MEGF11: variants seen among roughly 807,000 people sequenced by gnomAD.
The protein encoded by MEGF11 is multiple epidermal growth factor-like domains protein 11.
MEGF11 carries 126 observed loss-of-function variants against 146.6 expected under a neutral mutation model. The ratio of observed to expected loss-of-function variants is 0.86; its 90% CI spans 0.74 to 1.00. The LOEUF (loss-of-function observed/expected upper bound fraction) is 1.00. Ranked by LOEUF, MEGF11 falls within the 50% of genes least tolerant of loss-of-function variation. The pLI, the probability that MEGF11 is intolerant of heterozygous loss-of-function variation, is 0.00. For synonymous variants in MEGF11, 532 were observed against 583.4 expected (o/e 0.91, Z 1.27); for missense variants, 1,509 against 1,521.2 (o/e 0.99, Z 0.13).
intron 7 of MEGF11, among the ~76,000 whole-genome samples, chr15:65,976,274 C>T (rs1300759818): frequency 6.6e-6 from 1 of 152,144 alleles, no homozygotes; most frequent in Non-Finnish European, 1.5e-5. Flanking sequence ...CTCCTGACCT[C>T]AGGTGATCCA....
chr15:66,001,884 A>G (rs2082376926), intron 5 of MEGF11, among the ~76,000 whole-genome samples: 1 of 152,180 alleles, frequency 6.6e-6, no homozygotes. Flanking sequence ...AAGGAGCAGA[A>G]TAAACTCAGG....
intron 23 of MEGF11, among the ~76,000 whole-genome samples, chr15:65,908,254 T>TA (rs2078690776): frequency 6.6e-6 from 1 of 152,138 alleles, no homozygotes; most frequent in Non-Finnish European, 1.5e-5. Context: ...TCAGTTTCCT[T>TA]AGAGTTCTAG....
intron 23 of MEGF11, among the ~76,000 whole-genome samples, chr15:65,908,418 A>G (rs1012498190): frequency 1.3e-5 from 2 of 152,130 alleles, no homozygotes; most frequent in African/African-American, 4.8e-5. Flanking sequence ...TCCTACCCAC[A>G]TGTTCCCATA....
At chr15:65,912,842 G>A (rs2078858672) in intron 20 of MEGF11, among the ~76,000 whole-genome samples, 1 of 152,158 alleles carries the variant, frequency 6.6e-6, no homozygotes, top group Admixed American at 6.5e-5. Flanking sequence ...CATACAGAAG[G>A]CAACACTTAG....
At chr15:65,980,721 T>C in intron 7 of MEGF11, 57 bp downstream of exon 7, 1 of 1,519,290 alleles carries the variant, frequency 6.6e-7, no homozygotes, top group Non-Finnish European at 8.8e-7. Flanking sequence ...AAGGTATGTG[T>C]GAGTGATGAA....
intron 5 of MEGF11, among the ~76,000 whole-genome samples, chr15:66,080,842 G>C (rs1353064597): frequency 6.6e-6 from 1 of 152,252 alleles, no homozygotes; most frequent in Non-Finnish European, 1.5e-5. Context: ...GTCCCGGGGA[G>C]GCCCACAGGC....
intron 1 of MEGF11, among the ~76,000 whole-genome samples, chr15:66,149,648 A>G (rs2089492596): frequency 6.6e-6 from 1 of 152,214 alleles, no homozygotes; most frequent in South Asian, 2.1e-4. Flanking sequence ...GACAAAATGT[A>G]CTGAGTGAGA....
At chr15:66,209,664 G>T (rs1289620917) in intron 1 of MEGF11, among the ~76,000 whole-genome samples, 2 of 151,978 alleles carry the variant, frequency 1.3e-5, no homozygotes, top group African/African-American at 4.8e-5. Context: ...ATTCATAAAG[G>T]TTACATACTA....
At chr15:65,941,807 C>T (rs1325623741) in intron 10 of MEGF11, among the ~76,000 whole-genome samples, 1 of 152,242 alleles carries the variant, frequency 6.6e-6, no homozygotes, top group Non-Finnish European at 1.5e-5. Context: ...TGGCCAGCCC[C>T]AGGAGGGAGT....
intron 5 of MEGF11, among the ~76,000 whole-genome samples, chr15:66,075,909 G>A (rs1405112786): frequency 6.6e-6 from 1 of 152,224 alleles, no homozygotes; most frequent in Non-Finnish European, 1.5e-5. Context: ...AGGAACAAGA[G>A]CTTCTGTGAC....
intron 5 of MEGF11, among the ~76,000 whole-genome samples, chr15:66,052,159 T>C (rs1310190710): frequency 2.0e-5 from 3 of 152,200 alleles, no homozygotes; most frequent in Non-Finnish European, 4.4e-5. Context: ...GCATTAGCCT[T>C]CTTAATCAGA....
chr15:66,118,268 C>A (rs1235423575), intron 4 of MEGF11, among the ~76,000 whole-genome samples: 2 of 151,938 alleles, frequency 1.3e-5, no homozygotes, highest in Non-Finnish European at 2.9e-5. Flanking sequence ...TAGAACCCAA[C>A]AGGGACCCTA....
At position 66,048,668 on chromosome 15, in the gene MEGF11, C is replaced by A. The variant is rs569212126; in HGVS notation, c.394+45734G>T. ...CTGGTAGACTGAACCTCCTGCCCAC[C>A]TTGCCACGCTGGTGGGTGGCAAAAA... On this transcript the variant is annotated intron_variant, in intron 5 of 25. Coordinates refer to ENST00000395614, the MANE Select transcript of MEGF11 (RefSeq NM_001385028.1). Among the ~76,000 whole-genome samples, 12 of 152,334 alleles carry A rather than the reference C, an allele frequency of 7.9e-5. No homozygotes were observed. In the South Asian group the frequency reaches 2.3e-3, roughly 29 times the overall value.
intron 1 of MEGF11, among the ~76,000 whole-genome samples, chr15:66,147,944 C>T (rs2089433791): frequency 6.6e-6 from 1 of 152,174 alleles, no homozygotes; most frequent in African/African-American, 2.4e-5. Flanking sequence ...GACATTCACA[C>T]CATGGACGAT....
intron 7 of MEGF11, among the ~76,000 whole-genome samples, chr15:65,975,946 G>GGA (rs1233191198): frequency 3.9e-5 from 6 of 152,168 alleles, no homozygotes; most frequent in Admixed American, 2.6e-4. Context: ...AGAGGCAGGG[G>GGA]GAGAGAGCAG....
intron 5 of MEGF11, among the ~76,000 whole-genome samples, chr15:66,008,403 GCGCGCGCGCACA>G (rs1190050546): frequency 5.7e-3 from 17 of 2,992 alleles, no homozygotes; most frequent in Admixed American, 0.012. Context: ...ACATGCACAC[GCGCGCGCGCACA>G]CACACACACA....
intron 1 of MEGF11, among the ~76,000 whole-genome samples, chr15:66,177,683 CTT>C (rs58849037): frequency 5.6e-5 from 8 of 142,184 alleles, no homozygotes; most frequent in Admixed American, 7.0e-5. Flanking sequence ...CCTTTTTCTT[CTT>C]TTTTTTTTTT....
chr15:66,211,555 T>C (rs1364378981), intron 1 of MEGF11, among the ~76,000 whole-genome samples: 1 of 148,392 alleles, frequency 6.7e-6, no homozygotes, highest in South Asian at 2.1e-4. Flanking sequence ...AATCATCCAA[T>C]GTGAGCTGCA....
At chr15:66,160,240 GCCCT>G (rs1402216955) in intron 1 of MEGF11, among the ~76,000 whole-genome samples, 1 of 82,194 alleles carries the variant, frequency 1.2e-5, no homozygotes, top group Non-Finnish European at 2.3e-5. Context: ...CCAAGGAAAA[GCCCT>G]CTCTCTCTCT....
Sources: gnomAD v4.1 joint callset for allele counts (sites outside exome capture counted in the v4.1 genomes callset) on GRCh38, gnomAD v4.1.1 for gene constraint, MANE v1.5 for transcripts, NCBI Gene and HGNC (gene_info 2026-07-23, HGNC 2026-07-21) for gene names.